The following SPIN2A variants were observed in gnomAD, a reference collection of about 807,000 sequenced individuals.
SPIN2A encodes the protein spindlin family member 2A.
A neutral mutation model predicts 9.2 loss-of-function variants in SPIN2A; 4 were observed. That is an observed-to-expected ratio of 0.44 (90% confidence interval 0.21 to 1.00). The LOEUF (loss-of-function observed/expected upper bound fraction) is 1.00. SPIN2A is among the 50% of genes least tolerant of loss of function. SPIN2A has a pLI of 0.26. For missense variants in SPIN2A, 77 were observed against 172.8 expected (o/e 0.45, Z 3.11); for synonymous variants, 25 against 61.2 (o/e 0.41, Z 2.76).
chrX:57,138,844 T>C (rs1927919911), upstream of SPIN2A, among the ~76,000 whole-genome samples: 1 of 112,200 alleles, frequency 8.9e-6, no homozygotes, highest in African/African-American at 3.2e-5. Context: ...ATATCTGTTG[T>C]CCATTTGTGC....
chrX:57,146,599 A>T, the SPIN2A span, among the ~76,000 whole-genome samples: 4 of 111,939 alleles, frequency 3.6e-5, no homozygotes, highest in African/African-American at 1.3e-4. Flanking sequence ...TTCCAGTACT[A>T]TGTTGAACAG....
intron 1 of SPIN2A, 172 bp downstream of exon 1, chrX:57,137,088 C>A (rs1321327326): frequency 1.3e-4 from 103 of 784,424 alleles, no homozygotes; most frequent in African/African-American, 3.7e-4. Context: ...CCCCCTTTCC[C>A]TGTCGTCCAC....
At chrX:57,135,434 C>T (rs1235500149), downstream of SPIN2A, 2 of 190,609 alleles carry the variant, frequency 1.0e-5, no homozygotes, top group East Asian at 2.8e-4. Flanking sequence ...TAAGCAGTCA[C>T]CTCCTCCTCT....
downstream of SPIN2A, chrX:57,134,933 T>C (rs1258464287): frequency 8.9e-6 from 1 of 111,966 alleles, no homozygotes; most frequent in Admixed American, 9.4e-5. Context: ...AACATGCTCT[T>C]CTAGTGAACC....
At chrX:57,139,535 G>A (rs974095289), upstream of SPIN2A, among the ~76,000 whole-genome samples, 3 of 111,109 alleles carry the variant, frequency 2.7e-5, no homozygotes, top group Non-Finnish European at 5.7e-5. Flanking sequence ...CTCACTGCGA[G>A]CTCCTTCTCC....
At chrX:57,144,653 C>T in the SPIN2A span, among the ~76,000 whole-genome samples, 1 of 110,202 alleles carries the variant, frequency 9.1e-6, no homozygotes, top group South Asian at 3.9e-4. Context: ...AATTTTCAGT[C>T]GTTTATCCCT....
At position 57,137,275 on chromosome X, in the gene SPIN2A, G is replaced by A; in HGVS notation, c.-21C>T. 1 of 761,214 alleles carries A rather than the reference G, an allele frequency of 1.3e-6. No homozygotes were observed. Among genetic ancestry groups the A allele is most frequent in the East Asian group, 1.5e-4 (1 of 6,793 alleles). 62.7% of individuals were successfully genotyped at this position (761,214 alleles called of 1,213,427 possible). A position where few individuals can be genotyped will look rare whatever the true frequency, so the allele number is the denominator to read the frequency against. On this transcript the variant is annotated 5_prime_UTR_variant, in exon 1 of 2. Transcript: ENST00000374906. ...AATCGGATACCTCGATGCTGCCTCT[G>A]CTGTGAGCCTGTGGCGAAGGAGGGT...
At chrX:57,140,435 A>AAAAT (rs1927968048), upstream of SPIN2A, among the ~76,000 whole-genome samples, 1 of 105,773 alleles carries the variant, frequency 9.5e-6, no homozygotes, top group South Asian at 4.2e-4. Context: ...AAAAAAAAAA[A>AAAAT]AATAGAAAAA....
upstream of SPIN2A, among the ~76,000 whole-genome samples, chrX:57,139,676 G>A (rs756923203): frequency 1.8e-5 from 2 of 111,227 alleles, no homozygotes; most frequent in East Asian, 2.8e-4. Context: ...GGATGGTCTC[G>A]ATCTCCTGAC....
At chrX:57,142,498 T>G (rs1413727734), upstream of SPIN2A, among the ~76,000 whole-genome samples, 1 of 112,316 alleles carries the variant, frequency 8.9e-6, no homozygotes, top group East Asian at 2.8e-4. Flanking sequence ...TTTAAAAATT[T>G]GTTGAGATTT....
upstream of SPIN2A, among the ~76,000 whole-genome samples, chrX:57,142,232 G>A (rs938912204): frequency 9.0e-6 from 1 of 111,282 alleles, no homozygotes; most frequent in Non-Finnish European, 1.9e-5. Context: ...TTTTGACTTA[G>A]GCATTTATTG....
At position 57,135,866 on chromosome X, in the gene SPIN2A, A is replaced by G. The variant is rs1927691640; in HGVS notation, c.732T>C (p.Asp244=). The G allele has an allele frequency of 8.3e-7, 1 of 1,208,479 alleles. No individual in the cohort carries two copies. The highest frequency in any genetic ancestry group is 2.2e-5 in the Admixed American group (1 of 45,704). ...CGTAGACATAGATATGGAAATCATC[A>G]TCAAACTTGATGAAATACACAGAGG... ...TKPSVYFIKF[D]DDFHIYVYDL... is the part of the protein sequence containing the mutation. The change falls in exon 2 of 2, where the codon GAT becomes GAC. Residue 244 remains aspartate, a synonymous_variant. Coordinates refer to ENST00000374906, the MANE Select transcript of SPIN2A (RefSeq NM_019003.5).
chrX:57,138,465 T>G (rs1927903241), upstream of SPIN2A, among the ~76,000 whole-genome samples: 1 of 110,731 alleles, frequency 9.0e-6, no homozygotes, highest in Non-Finnish European at 1.9e-5. Flanking sequence ...TATTTATTGA[T>G]GGACAGTTAA....
upstream of SPIN2A, among the ~76,000 whole-genome samples, chrX:57,141,086 C>A (rs1927990867): frequency 8.9e-6 from 1 of 111,811 alleles, no homozygotes; most frequent in Admixed American, 9.5e-5. Flanking sequence ...TCATATATGA[C>A]CTTTATTCTT....
At chrX:57,138,749 G>A (rs1225311770), upstream of SPIN2A, among the ~76,000 whole-genome samples, 1 of 111,213 alleles carries the variant, frequency 9.0e-6, no homozygotes, top group African/African-American at 3.3e-5. Flanking sequence ...TTTGATAATA[G>A]CCATTTTAAC....
chrX:57,137,094 T>C (rs1269131536), intron 1 of SPIN2A, 166 bp downstream of exon 1: 90 of 778,242 alleles, frequency 1.2e-4, no homozygotes, highest in African/African-American at 3.2e-4. Flanking sequence ...TTCCCTGTCG[T>C]CCACCGCACT....
At position 57,135,879 on chromosome X, in the gene SPIN2A, A is replaced by C. The variant is rs1927693523; in HGVS notation, c.719T>G (p.Phe240Cys). Residue 240 changes from phenylalanine to cysteine, a missense_variant, in exon 2 of 2, where the codon TTC (phenylalanine) becomes TGC (cysteine). Coordinates refer to ENST00000374906, the MANE Select transcript of SPIN2A (RefSeq NM_019003.5). ...HQVETKPSVY[F>C]IKFDDDFHIY... ...ATGGAAATCATCATCAAACTTGATG[A>C]AATACACAGAGGGTTTGGTTTCCAC... 2.5e-6 allele frequency: 3 copies of C among 1,210,139 alleles called. No individual in the cohort carries two copies. Among genetic ancestry groups the C allele is most frequent in the Non-Finnish European group, 3.4e-6 (3 of 894,109 alleles).
At chrX:57,139,995 A>G (rs2146921144), upstream of SPIN2A, among the ~76,000 whole-genome samples, 1 of 112,203 alleles carries the variant, frequency 8.9e-6, no homozygotes, top group African/African-American at 3.2e-5. Context: ...ACTCATGAAC[A>G]TGGATACTTT....
At chrX:57,145,254 G>GGC in the SPIN2A span, among the ~76,000 whole-genome samples, 2 of 47,637 alleles carry the variant, frequency 4.2e-5, no homozygotes, top group Non-Finnish European at 6.5e-5. Flanking sequence ...TCATTCTTTT[G>GGC]GGGGGGGGTA....
Sources: allele counts gnomAD v4.1 joint callset (sites outside exome capture counted in the v4.1 genomes callset), GRCh38; gene constraint gnomAD v4.1.1; transcripts MANE v1.5; gene names NCBI Gene and HGNC (gene_info 2026-07-23, HGNC 2026-07-21).